The following MAGI2 variants were observed in gnomAD, a reference collection of about 807,000 sequenced individuals.
MAGI2 encodes membrane associated guanylate kinase, WW and PDZ domain containing 2.
In MAGI2, 35 loss-of-function variants were observed where a neutral mutation model predicts 133.3. That is an observed-to-expected ratio of 0.26 (90% confidence interval 0.20 to 0.35). The LOEUF (loss-of-function observed/expected upper bound fraction) is 0.35. MAGI2 is among the 10% of genes least tolerant of loss of function. The pLI is 1.00. For missense variants in MAGI2, 1,636 were observed against 1,863.4 expected (o/e 0.88, Z 2.25); for synonymous variants, 729 against 710.6 (o/e 1.03, Z -0.41).
chr7:79,340,697 A>G (rs535844947), intron 1 of MAGI2, among the ~76,000 whole-genome samples: 1 of 152,176 alleles, frequency 6.6e-6, no homozygotes, highest in Admixed American at 6.6e-5. Flanking sequence ...TTTGTGCACA[A>G]ATTTCCTAGG....
At chr7:79,404,198 C>T (rs992378949) in intron 1 of MAGI2, among the ~76,000 whole-genome samples, 4 of 152,080 alleles carry the variant, frequency 2.6e-5, no homozygotes, top group African/African-American at 9.7e-5. Context: ...TAGGTAGCCT[C>T]TTATATAGTC....
At chr7:78,687,387 A>G (rs544627185) in intron 2 of MAGI2, among the ~76,000 whole-genome samples, 1 of 152,206 alleles carries the variant, frequency 6.6e-6, no homozygotes, top group Non-Finnish European at 1.5e-5. Context: ...CATGTGTGAA[A>G]TGTTGTTACA....
chr7:79,145,209 T>C (rs1822503249), intron 1 of MAGI2, among the ~76,000 whole-genome samples: 1 of 152,214 alleles, frequency 6.6e-6, no homozygotes. Context: ...TTTTTCCTAC[T>C]TTATTTTTCT....
chr7:78,587,302 C>G (rs1803528109), intron 3 of MAGI2, among the ~76,000 whole-genome samples: 1 of 151,930 alleles, frequency 6.6e-6, no homozygotes, highest in African/African-American at 2.4e-5. Context: ...AATGGGTGTT[C>G]TGGCTAAGAA....
At chr7:78,489,650 G>A (rs184891134) in intron 6 of MAGI2, 111 bp downstream of exon 6, 122 of 797,950 alleles carry the variant, frequency 1.5e-4, no homozygotes, top group Admixed American at 6.7e-4. Context: ...ACATTACATC[G>A]TTAAAATTGT....
chr7:78,850,858 A>G (rs1178306274), intron 2 of MAGI2, among the ~76,000 whole-genome samples: 1 of 152,158 alleles, frequency 6.6e-6, no homozygotes, highest in Non-Finnish European at 1.5e-5. Flanking sequence ...CAACAGCAGC[A>G]AGTCTACGAA....
chr7:78,040,313 A>T (rs1810672710), intron 21 of MAGI2, among the ~76,000 whole-genome samples: 1 of 150,220 alleles, frequency 6.7e-6, no homozygotes, highest in Non-Finnish European at 1.5e-5. Context: ...AGTCTTCCCC[A>T]CCCTCTGTCC....
intron 21 of MAGI2, among the ~76,000 whole-genome samples, chr7:78,051,262 A>T (rs1811972988): frequency 6.6e-6 from 1 of 152,224 alleles, no homozygotes; most frequent in Non-Finnish European, 1.5e-5. Context: ...GATGCAGGCA[A>T]GCTCCGAGGT....
At chr7:78,544,839 AAAAT>A (rs1798688489) in intron 3 of MAGI2, among the ~76,000 whole-genome samples, 1 of 152,058 alleles carries the variant, frequency 6.6e-6, no homozygotes. Flanking sequence ...CATCTCAAAA[AAAAT>A]AAAAATAAAA....
At chr7:79,039,855 T>TA (rs1010491299) in intron 1 of MAGI2, among the ~76,000 whole-genome samples, 2 of 142,910 alleles carry the variant, frequency 1.4e-5, no homozygotes, top group African/African-American at 2.6e-5. Context: ...TACATATATA[T>TA]TATATATATA....
intron 6 of MAGI2, among the ~76,000 whole-genome samples, chr7:78,465,294 T>C (rs1315251653): frequency 1.3e-5 from 2 of 152,148 alleles, no homozygotes; most frequent in African/African-American, 4.8e-5. Context: ...AGCATATGAA[T>C]CTTAAATTAT....
chr7:78,971,658 T>A (rs1056362198), intron 2 of MAGI2, among the ~76,000 whole-genome samples: 1 of 152,052 alleles, frequency 6.6e-6, no homozygotes, highest in African/African-American at 2.4e-5. Context: ...TTTCAGGTCA[T>A]ACATTGGATG....
At chr7:79,062,716 TGCCA>T (rs1437212505) in intron 1 of MAGI2, among the ~76,000 whole-genome samples, 1 of 152,054 alleles carries the variant, frequency 6.6e-6, no homozygotes. Context: ...TGCACCTCCA[TGCCA>T]GCGAGGAAGC....
chr7:79,238,946 G>T (rs1453532525), intron 1 of MAGI2, among the ~76,000 whole-genome samples: 2 of 152,132 alleles, frequency 1.3e-5, no homozygotes, highest in Non-Finnish European at 2.9e-5. Context: ...GACAGAACTT[G>T]AGGATCTGGC....
At chr7:78,689,753 C>T (rs1483454174) in intron 2 of MAGI2, among the ~76,000 whole-genome samples, 1 of 104,668 alleles carries the variant, frequency 9.6e-6, no homozygotes, top group African/African-American at 3.7e-5. Context: ...TTATATGTAT[C>T]AGTAATTCAT....
intron 1 of MAGI2, among the ~76,000 whole-genome samples, chr7:79,406,843 T>C (rs1226943713): frequency 6.6e-6 from 1 of 152,190 alleles, no homozygotes; most frequent in East Asian, 1.9e-4. Context: ...AAAAGGAAGT[T>C]AAAATTTAAA....
chr7:78,800,976 T>C (rs991176350), intron 2 of MAGI2, among the ~76,000 whole-genome samples: 41 of 152,274 alleles, frequency 2.7e-4, no homozygotes, highest in African/African-American at 9.9e-4. Flanking sequence ...TATGAGAACG[T>C]AATTTCATAG....
At chr7:78,547,475 G>A (rs1798944488) in intron 3 of MAGI2, among the ~76,000 whole-genome samples, 1 of 152,178 alleles carries the variant, frequency 6.6e-6, no homozygotes. Context: ...CTTTATAAAT[G>A]GTTATTTGAC....
chr7:78,843,893 A>T (rs1792357570), intron 2 of MAGI2, among the ~76,000 whole-genome samples: 1 of 150,718 alleles, frequency 6.6e-6, no homozygotes. Flanking sequence ...TATGTAAAAA[A>T]TGCAGATTTT....
Sources: allele counts gnomAD v4.1 joint callset (sites outside exome capture counted in the v4.1 genomes callset), GRCh38; gene constraint gnomAD v4.1.1; transcripts MANE v1.5; gene names NCBI Gene and HGNC (gene_info 2026-07-23, HGNC 2026-07-21).